VASH2: variants seen among roughly 807,000 people sequenced by gnomAD.
VASH2 encodes tubulinyl-Tyr carboxypeptidase 2.
A neutral mutation model predicts 37.2 loss-of-function variants in VASH2; 28 were observed. The ratio of observed to expected loss-of-function variants is 0.75; its 90% CI spans 0.56 to 1.03. The LOEUF (loss-of-function observed/expected upper bound fraction) is 1.03, where lower values mean the gene tolerates loss of function less well. VASH2 is among the 50% of genes least tolerant of loss of function. The probability of loss-of-function intolerance (pLI) is 0.00; values close to 1 mark genes in which losing one functional copy is unlikely to be tolerated. For missense variants in VASH2, 419 were observed against 459.1 expected (o/e 0.91, Z 0.80); for synonymous variants, 188 against 174.7 (o/e 1.08, Z -0.60).
At chr1:212,987,598 A>G (rs934532180) in intron 7 of VASH2, among the ~76,000 whole-genome samples, 35 of 152,014 alleles carry the variant, frequency 2.3e-4, no homozygotes, top group South Asian at 6.2e-4. Flanking sequence ...AAAACAAAAC[A>G]AAAACAAGGT....
rs1667064843 is a variant in VASH2 at position 212,973,215 on chromosome 1, AGTTT to A, written c.879+258_879+261del. 2.6e-5 allele frequency among the ~76,000 whole-genome samples: 4 copies of A among 152,222 alleles called. No individual in the cohort carries two copies. In the South Asian group the frequency reaches 6.2e-4, roughly 24 times the overall value. On this transcript the variant is annotated intron_variant, in intron 6 of 7. Transcript: ENST00000517399. ...GTTAGTCATTTTATATTGAAGCTCT[AGTTT>A]GTTCTGTTTTGTCGATGTAATAGGG... is the stretch of plus-strand genomic sequence containing the variant.
chr1:212,954,426 T>TTTG (rs1666419360), intron 2 of VASH2, among the ~76,000 whole-genome samples: 1 of 152,170 alleles, frequency 6.6e-6, no homozygotes, highest in Non-Finnish European at 1.5e-5. Flanking sequence ...AAGAAAGTGT[T>TTTG]ACCTTTTCTT....
chr1:212,984,764 G>A (rs1558153449), intron 7 of VASH2, among the ~76,000 whole-genome samples: 1 of 152,162 alleles, frequency 6.6e-6, no homozygotes, highest in East Asian at 1.9e-4. Flanking sequence ...AATTTTCAGA[G>A]ACAACAGGAG....
intron 7 of VASH2, among the ~76,000 whole-genome samples, chr1:212,976,852 G>T (rs1411865169): frequency 6.6e-6 from 1 of 152,226 alleles, no homozygotes; most frequent in Non-Finnish European, 1.5e-5. Flanking sequence ...CTGAGGTCAG[G>T]AAGGAAGACC....
At chr1:212,964,190 C>T (rs1214811776) in intron 3 of VASH2, among the ~76,000 whole-genome samples, 2 of 152,216 alleles carry the variant, frequency 1.3e-5, no homozygotes, top group East Asian at 1.9e-4. Context: ...ATCAGACTCT[C>T]CAGGGCTGGA....
chr1:212,961,468 C>A (rs916958224), intron 3 of VASH2: 14 of 989,332 alleles, frequency 1.4e-5, no homozygotes, highest in South Asian at 4.0e-5. Context: ...TCCCCTTGAG[C>A]CCTTCTGCTT....
intron 5 of VASH2, chr1:212,966,907 T>G: frequency 2.7e-6 from 1 of 371,138 alleles, no homozygotes; most frequent in Non-Finnish European, 5.3e-6. Context: ...TTTTGTTTGT[T>G]TGTTTGTATT....
At chr1:212,973,723 A>C in intron 6 of VASH2, 1 of 1,319,548 alleles carries the variant, frequency 7.6e-7, no homozygotes, top group Non-Finnish European at 9.7e-7. Flanking sequence ...AGGGAGCACA[A>C]TGTGACCATC....
chr1:212,953,250 A>C (rs994904276), intron 2 of VASH2, among the ~76,000 whole-genome samples: 1 of 150,996 alleles, frequency 6.6e-6, no homozygotes, highest in African/African-American at 2.5e-5. Flanking sequence ...TGCATTCTCT[A>C]TGTGGGAATC....
Position 212,971,222 on chromosome 1 carries a change from C to G in VASH2, c.498-1358C>G, listed in dbSNP as rs1572071025. On this transcript the variant is annotated intron_variant, in intron 5 of 7. Transcript: ENST00000517399. This position sits in a 1 kb window ranked among gnomAD's most constrained non-coding sequence, Gnocchi z 4.0. ...CGATGGATATTTGCGTTGTTTCCAC[C>G]TTCTGGCTATTGCAAATGATGCTGT... Among the ~76,000 whole-genome samples the G allele has an allele frequency of 6.6e-6, 1 of 152,158 alleles. No homozygotes were observed. Among genetic ancestry groups the G allele is most frequent in the Non-Finnish European group, 1.5e-5 (1 of 68,038 alleles).
At chr1:212,973,015 T>G in intron 6 of VASH2, 54 bp downstream of exon 6, 1 of 1,570,070 alleles carries the variant, frequency 6.4e-7, no homozygotes, top group East Asian at 2.2e-5. Flanking sequence ...TCCCATTCCT[T>G]TCTCTCTGTC....
chr1:212,968,274 T>A (rs1013873670), intron 5 of VASH2: 27 of 985,060 alleles, frequency 2.7e-5, no homozygotes, highest in Non-Finnish European at 3.1e-5. Context: ...AAAGATGAAA[T>A]CAGTATTTTT....
intron 2 of VASH2, among the ~76,000 whole-genome samples, chr1:212,953,447 C>T (rs564237276): frequency 2.0e-5 from 3 of 152,270 alleles, no homozygotes; most frequent in East Asian, 3.9e-4. Flanking sequence ...CCCTCCCACC[C>T]GCAAATCACA....
intron 7 of VASH2, among the ~76,000 whole-genome samples, chr1:212,980,182 G>A (rs1437451067): frequency 1.3e-5 from 2 of 152,200 alleles, no homozygotes; most frequent in Non-Finnish European, 2.9e-5. Flanking sequence ...AGCGCTCTCC[G>A]AGGTCCTTTC....
At chr1:212,983,505 G>A (rs991575956) in intron 7 of VASH2, among the ~76,000 whole-genome samples, 5 of 148,990 alleles carry the variant, frequency 3.4e-5, no homozygotes, top group South Asian at 2.1e-4. Flanking sequence ...CTATTCATGA[G>A]GGTGATGCCC....
At chr1:212,961,053 C>T (rs1030848511) in intron 2 of VASH2, 113 bp from the exon 3 acceptor site, 5 of 985,944 alleles carry the variant, frequency 5.1e-6, no homozygotes, top group African/African-American at 3.2e-5. Flanking sequence ...ATGCTGCCAT[C>T]GGCTCTCAGG....
chr1:212,970,516 T>C (rs374403858), intron 5 of VASH2, among the ~76,000 whole-genome samples: 32 of 151,732 alleles, frequency 2.1e-4, no homozygotes, highest in African/African-American at 7.8e-4. Flanking sequence ...TGTGGTAAAA[T>C]ATAACATAAT....
intron 5 of VASH2, chr1:212,968,257 A>G: frequency 2.0e-6 from 2 of 985,434 alleles, no homozygotes; most frequent in Non-Finnish European, 2.4e-6. Context: ...GAAAGGAGAA[A>G]AAGATCAAAG....
intron 3 of VASH2, among the ~76,000 whole-genome samples, chr1:212,963,306 C>T (rs971481680): frequency 1.7e-4 from 26 of 152,224 alleles, no homozygotes; most frequent in African/African-American, 6.3e-4. Flanking sequence ...CACCAGCAGG[C>T]TGCGGGGACC....
Sources: allele counts gnomAD v4.1 joint callset (sites outside exome capture counted in the v4.1 genomes callset), GRCh38; gene constraint gnomAD v4.1.1; non-coding constraint Gnocchi (gnomAD v3.1); transcripts MANE v1.5; gene names NCBI Gene and HGNC (gene_info 2026-07-23, HGNC 2026-07-21).